The following VPS8 variants were observed in gnomAD, a reference collection of about 807,000 sequenced individuals.
VPS8 encodes the protein VPS8 subunit of CORVET complex.
In VPS8, 129 loss-of-function variants were observed where a neutral mutation model predicts 216.4. The ratio of observed to expected loss-of-function variants is 0.60; its 90% confidence interval spans 0.52 to 0.69. The LOEUF is 0.69. Ranked by LOEUF, VPS8 falls within the 30% of genes least tolerant of loss-of-function variation. VPS8 has a pLI of 0.00. For synonymous variants in VPS8, 571 were observed against 565.4 expected, an observed-to-expected ratio of 1.01 and a Z score of -0.14; for missense variants, 1,531 against 1,683.5, an observed-to-expected ratio of 0.91 and a Z score of 1.59.
intron 16 of VPS8, among the ~76,000 whole-genome samples, chr3:184,865,785 C>G (rs970093396): frequency 6.6e-6 from 1 of 151,978 alleles, no homozygotes; most frequent in Non-Finnish European, 1.5e-5. Flanking sequence ...GTCAGGAGTT[C>G]GAGACCAGCC....
intron 37 of VPS8, among the ~76,000 whole-genome samples, chr3:184,958,855 C>T (rs938999236): frequency 1.3e-5 from 2 of 151,770 alleles, no homozygotes; most frequent in African/African-American, 2.4e-5. Flanking sequence ...TTCTCCAGTT[C>T]CCCCATTTTT....
chr3:184,952,187 A>C (rs1283764254), intron 36 of VPS8, among the ~76,000 whole-genome samples: 1 of 152,222 alleles, frequency 6.6e-6, no homozygotes, highest in Non-Finnish European at 1.5e-5. Flanking sequence ...AATGTGGGGA[A>C]ACATTGGTTA....
chr3:184,812,564 T>C (rs1577662794), intron 1 of VPS8: 1 of 152,234 alleles, frequency 6.6e-6, no homozygotes, highest in African/African-American at 2.4e-5. Context: ...GGGGCTGAGG[T>C]ATCACTAAAT....
At chr3:184,927,355 G>T (rs1184558697) in intron 31 of VPS8, among the ~76,000 whole-genome samples, 1 of 152,140 alleles carries the variant, frequency 6.6e-6, no homozygotes, top group African/African-American at 2.4e-5. Flanking sequence ...ATACGCAGCT[G>T]GGAAGTTGAG....
intron 36 of VPS8, among the ~76,000 whole-genome samples, chr3:184,940,712 AGGAAAGTTT>A (rs1742529194): frequency 6.6e-6 from 1 of 152,226 alleles, no homozygotes; most frequent in Non-Finnish European, 1.5e-5. Flanking sequence ...TGGTGTGGGA[AGGAAAGTTT>A]AAATGTGTTT....
Position 184,832,690 on chromosome 3 carries a change from C to T in VPS8, c.224C>T (p.Thr75Ile). Residue 75 changes from threonine (T) to isoleucine (I), a missense_variant and splice_region_variant, in exon 4 of 48, where the codon ACT (threonine) becomes ATT (isoleucine). This residue lies in a region of VPS8 where 199 missense variants were observed against 182.2 expected (regional missense o/e 1.09). Transcript: ENST00000625842. ...PPTLESILNE[T>I]DDEDESFILE... ...TTGATTTATCTTCTTCCAATTTAGA[C>T]TGATGATGAAGATGAGTCTTTTATT... The T allele has an allele frequency of 6.3e-7, 1 of 1,595,802 alleles. No homozygotes were observed. Among genetic ancestry groups the T allele is most frequent in the Non-Finnish European group, 8.5e-7 (1 of 1,169,980 alleles).
intron 29 of VPS8, among the ~76,000 whole-genome samples, chr3:184,923,278 T>C (rs1738979074): frequency 6.6e-6 from 1 of 152,184 alleles, no homozygotes; most frequent in South Asian, 2.1e-4. Context: ...CCTACACTTC[T>C]GCATTCTCTC....
intron 47 of VPS8, among the ~76,000 whole-genome samples, chr3:185,049,955 C>G (rs1713823557): frequency 1.3e-5 from 2 of 152,168 alleles, no homozygotes; most frequent in East Asian, 3.9e-4. Context: ...GGCCTCACCC[C>G]CATCCCTTTC....
chr3:184,813,274 A>G (rs577948512), intron 1 of VPS8, among the ~76,000 whole-genome samples: 60 of 152,276 alleles, frequency 3.9e-4, no homozygotes, highest in African/African-American at 1.3e-3. Context: ...ACCCTCTACC[A>G]TACTCTACTT....
intron 3 of VPS8, among the ~76,000 whole-genome samples, chr3:184,830,042 G>A (rs747526497): frequency 2.0e-5 from 3 of 152,050 alleles, no homozygotes; most frequent in Non-Finnish European, 2.9e-5. Context: ...ATTCGTGTGC[G>A]TGTGTGTGTC....
intron 26 of VPS8, 41 bp from the exon 27 acceptor site, chr3:184,914,940 C>CT: frequency 6.3e-7 from 1 of 1,582,062 alleles, no homozygotes; most frequent in South Asian, 1.1e-5. Context: ...AAGTTATCCC[C>CT]TTTACAAGTC....
In VPS8 at chr3:185,024,348, C is replaced by T. The variant is rs200853280; in HGVS notation, c.4015C>T (p.Pro1339Ser). 1 of 1,595,070 alleles carries T rather than the reference C, an allele frequency of 6.3e-7. No individual in the cohort carries two copies. The highest frequency in any genetic ancestry group is 8.5e-7 in the Non-Finnish European group (1 of 1,169,840). Residue 1339 changes from proline (P) to serine (S), a missense_variant, in exon 46 of 48, where the codon CCA becomes TCA. Pro to Ser is a moderately conservative substitution (Grantham distance 74). This residue lies in a region of VPS8 where 1,318 missense variants were observed against 1,468.4 expected (regional missense o/e 0.90). Coordinates refer to ENST00000625842, the MANE Select transcript of VPS8 (RefSeq NM_001009921.3). ...CTTTTTTTTCCAGGTAAAAATGTCTCCATCGTATCATCAGTCCAAAGGGGA... is the reference window on the plus strand; with the variant it reads ...CTTTTTTTTCCAGGTAAAAATGTCTTCATCGTATCATCAGTCCAAAGGGGA... Reference protein sequence around the residue: ...RITPSQVKMSPSYHQSKGDPT... With the variant: ...RITPSQVKMSSSYHQSKGDPT...
At chr3:184,861,757 TA>T (rs1355615312) in intron 15 of VPS8, among the ~76,000 whole-genome samples, 6 of 152,244 alleles carry the variant, frequency 3.9e-5, no homozygotes, top group African/African-American at 1.4e-4. Flanking sequence ...GAATAATTAC[TA>T]AACTTATTGA....
rs551913666 is a variant in VPS8 at position 184,852,829 on chromosome 3, A to G, written c.821+262A>G. Among the ~76,000 whole-genome samples the G allele has an allele frequency of 1.3e-4, 20 of 152,240 alleles. No individual in the cohort carries two copies. The South Asian group carries it at 1.5e-3, about 11-fold the overall frequency. ...ATTCTTATATGCTGTCAAGCTTGGG[A>G]CCACTCTTCTGGAATAGCTCACTAA... On this transcript the variant is annotated intron_variant, in intron 11 of 47. Coordinates refer to ENST00000625842, the MANE Select transcript of VPS8 (RefSeq NM_001009921.3).
At chr3:184,891,758 T>C (rs2108911012) in intron 22 of VPS8, among the ~76,000 whole-genome samples, 1 of 152,304 alleles carries the variant, frequency 6.6e-6, no homozygotes, top group African/African-American at 2.4e-5. Context: ...CAACTTTGGA[T>C]ATATTAAATA....
At chr3:184,870,492 A>G (rs1728135359) in intron 20 of VPS8, among the ~76,000 whole-genome samples, 1 of 152,222 alleles carries the variant, frequency 6.6e-6, no homozygotes, top group Non-Finnish European at 1.5e-5. Context: ...ACTGAGGTCT[A>G]GAACATGGAG....
chr3:185,019,367 C>G (rs559048206), intron 45 of VPS8, among the ~76,000 whole-genome samples: 133 of 152,200 alleles, frequency 8.7e-4, no homozygotes, highest in African/African-American at 3.1e-3. Context: ...CACACACACA[C>G]AGAAATACAG....
chr3:184,857,234 AG>A (rs1174511470), intron 14 of VPS8, among the ~76,000 whole-genome samples: 1 of 152,256 alleles, frequency 6.6e-6, no homozygotes, highest in Non-Finnish European at 1.5e-5. Flanking sequence ...GATTGATAGT[AG>A]GGGTTGGCAC....
chr3:184,912,435 A>G (rs1736730308), intron 25 of VPS8, among the ~76,000 whole-genome samples: 1 of 152,142 alleles, frequency 6.6e-6, no homozygotes, highest in Admixed American at 6.5e-5. Flanking sequence ...TCTTGCAGCA[A>G]TCTGTTTAGG....
Sources: allele counts gnomAD v4.1 joint callset (sites outside exome capture counted in the v4.1 genomes callset), GRCh38; gene constraint gnomAD v4.1.1; regional missense constraint gnomAD v4.1.1; transcripts MANE v1.5; gene names NCBI Gene and HGNC (gene_info 2026-07-23, HGNC 2026-07-21).